UBTD1: variants seen among roughly 807,000 people sequenced by gnomAD.
UBTD1 encodes ubiquitin domain containing 1.
A neutral mutation model predicts 21.7 loss-of-function variants in UBTD1; 19 were observed. That is an observed-to-expected ratio of 0.87 (90% CI 0.61 to 1.28). The LOEUF (loss-of-function observed/expected upper bound fraction) is 1.28. Ranked by LOEUF, UBTD1 falls within the 50% of genes most tolerant of loss-of-function variation. The pLI, the probability that UBTD1 is intolerant of heterozygous loss-of-function variation, is 0.00. For synonymous variants in UBTD1, 116 were observed against 135.1 expected, an observed-to-expected ratio of 0.86 and a Z score of 0.98; for missense variants, 282 against 315.1, an observed-to-expected ratio of 0.89 and a Z score of 0.80.
intron 1 of UBTD1, among the ~76,000 whole-genome samples, chr10:97,566,614 G>A (rs914999973): frequency 2.0e-5 from 3 of 151,708 alleles, no homozygotes; most frequent in East Asian, 1.9e-4. Context: ...TAAGGCTACT[G>A]CAAGAATGAA....
At chr10:97,516,690 G>T (rs2040445937) in intron 1 of UBTD1, among the ~76,000 whole-genome samples, 2 of 152,070 alleles carry the variant, frequency 1.3e-5, no homozygotes, top group Admixed American at 6.6e-5. Context: ...CAGGAGAATG[G>T]CCTGAACCCG....
intron 1 of UBTD1, among the ~76,000 whole-genome samples, chr10:97,566,971 T>C (rs1234578474): frequency 2.6e-5 from 4 of 152,226 alleles, no homozygotes; most frequent in African/African-American, 9.6e-5. Flanking sequence ...AATTGTTTTC[T>C]TTGTCAGATG....
rs766096391 is a variant in UBTD1 at position 97,570,241 on chromosome 10, G to A, written c.402G>A (p.Glu134=). The part of the protein sequence containing the change: ...VNLLLEHTEE[E]SLEPPEPPPS... Reference sequence around the variant, plus strand: ...TGCTGCTGGAGCACACGGAGGAGGAGAGCCTGGAGCCCCCCGAGCCTCCAC... The same window carrying A: ...TGCTGCTGGAGCACACGGAGGAGGAAAGCCTGGAGCCCCCCGAGCCTCCAC... The change falls in exon 3 of 3, where the codon GAG becomes GAA. Residue 134 remains glutamate, a synonymous_variant. Transcript: ENST00000370664. The surrounding 1 kb of genome is among the most constrained non-coding windows in gnomAD (Gnocchi z 6.6). 1 of 1,613,238 alleles carries A rather than the reference G, an allele frequency of 6.2e-7. No individual in the cohort carries two copies. Among genetic ancestry groups the A allele is most frequent in the South Asian group, 1.1e-5 (1 of 91,086 alleles).
chr10:97,557,552 A>T lies in UBTD1; in HGVS notation c.71-10362A>T, dbSNP rs530603536. On this transcript the variant is annotated intron_variant, in intron 1 of 2. Coordinates refer to ENST00000370664, the MANE Select transcript of UBTD1 (RefSeq NM_024954.5). Reference sequence around the variant, plus strand: ...AATATGATTCTTGACAGATATACTTATTTTTTTTTACTGTGTAACTTTTTT... The same window carrying T: ...AATATGATTCTTGACAGATATACTTTTTTTTTTTTACTGTGTAACTTTTTT... Among the ~76,000 whole-genome samples, 38 of 151,206 alleles carry T rather than the reference A, an allele frequency of 2.5e-4. No homozygotes were observed. The East Asian group carries it at 7.4e-3, about 29-fold the overall frequency.
intron 1 of UBTD1, among the ~76,000 whole-genome samples, chr10:97,538,984 C>G (rs1317749849): frequency 2.0e-5 from 3 of 152,186 alleles, no homozygotes; most frequent in Non-Finnish European, 2.9e-5. Flanking sequence ...GGGAGAAGAC[C>G]TGCGCAGATC....
At chr10:97,559,876 A>G (rs753911306) in intron 1 of UBTD1, among the ~76,000 whole-genome samples, 14 of 152,302 alleles carry the variant, frequency 9.2e-5, no homozygotes, top group Non-Finnish European at 1.6e-4. Flanking sequence ...CTTTTAAAAC[A>G]TTAATTTTTT....
chr10:97,556,859 A>G (rs2040666592), intron 1 of UBTD1, among the ~76,000 whole-genome samples: 1 of 152,168 alleles, frequency 6.6e-6, no homozygotes, highest in East Asian at 1.9e-4. Context: ...AATTTACTGA[A>G]TGGATTTCTT....
chr10:97,543,073 T>A (rs1482100166), intron 1 of UBTD1, among the ~76,000 whole-genome samples: 1 of 152,216 alleles, frequency 6.6e-6, no homozygotes, highest in Non-Finnish European at 1.5e-5. Context: ...CTGGATTGCC[T>A]CTCAAGAGCC....
chr10:97,506,147 G>T (rs2040398843), intron 1 of UBTD1, among the ~76,000 whole-genome samples: 1 of 152,174 alleles, frequency 6.6e-6, no homozygotes, highest in African/African-American at 2.4e-5. Context: ...GTGGGGGAGG[G>T]ACCTAGTGGT....
chr10:97,545,909 A>G (rs181004424), intron 1 of UBTD1, among the ~76,000 whole-genome samples: 40 of 152,216 alleles, frequency 2.6e-4, no homozygotes, highest in Middle Eastern at 3.4e-3. Context: ...CTTAGCCCCA[A>G]AAGTAGCTGG....
At chr10:97,524,193 C>T (rs952197948) in intron 1 of UBTD1, among the ~76,000 whole-genome samples, 1 of 152,170 alleles carries the variant, frequency 6.6e-6, no homozygotes, top group African/African-American at 2.4e-5. Context: ...CTCCCAGGCT[C>T]AGGTGATCCT....
chr10:97,507,056 G>A (rs2040402337), intron 1 of UBTD1, among the ~76,000 whole-genome samples: 6 of 152,162 alleles, frequency 3.9e-5, no homozygotes, highest in Admixed American at 3.9e-4. Context: ...TGGAATTTCT[G>A]GATCAAAAGG....
intron 1 of UBTD1, among the ~76,000 whole-genome samples, chr10:97,530,380 G>A (rs893853327): frequency 2.0e-5 from 3 of 152,212 alleles, no homozygotes; most frequent in Non-Finnish European, 4.4e-5. Context: ...TGAGGCTGCA[G>A]TGAGTTACAG....
At chr10:97,507,412 G>A (rs981887803) in intron 1 of UBTD1, among the ~76,000 whole-genome samples, 20 of 151,778 alleles carry the variant, frequency 1.3e-4, no homozygotes, top group African/African-American at 4.8e-4. Context: ...CAAGGCAGGA[G>A]GATTGCTTGA....
chr10:97,513,560 A>G (rs6584131), intron 1 of UBTD1, among the ~76,000 whole-genome samples: 119,956 of 152,100 alleles, frequency 0.79, 48,443 homozygotes, highest in East Asian at 0.98. Flanking sequence ...AGGAAGTGGT[A>G]CAGGTTGGAG....
intron 1 of UBTD1, among the ~76,000 whole-genome samples, chr10:97,553,774 C>T (rs2040651525): frequency 6.6e-6 from 1 of 152,186 alleles, no homozygotes; most frequent in Admixed American, 6.5e-5. Context: ...CCTGCCCCCT[C>T]CCCCTCACCA....
Position 97,499,086 on chromosome 10 carries a change from G to C in UBTD1, c.-118G>C. Reference sequence around the variant, plus strand: ...CTGGGGCTGAGCGCGCCCCCGGGGGGAGATCGGGGAGCGCCCGATGCCGGG... The same window carrying C: ...CTGGGGCTGAGCGCGCCCCCGGGGGCAGATCGGGGAGCGCCCGATGCCGGG... On this transcript the variant is annotated 5_prime_UTR_variant, in exon 1 of 3. Coordinates refer to ENST00000370664, the MANE Select transcript of UBTD1 (RefSeq NM_024954.5). 2 of 1,171,234 alleles carry C rather than the reference G, an allele frequency of 1.7e-6. No individual in the cohort carries two copies. Among genetic ancestry groups the C allele is most frequent in the Non-Finnish European group, 2.3e-6 (2 of 856,318 alleles). The allele number at this position is 1,171,234 out of a possible 1,614,324, so 72.6% of individuals were successfully genotyped here.
intron 1 of UBTD1, among the ~76,000 whole-genome samples, chr10:97,542,032 G>A (rs192185024): frequency 1.6e-3 from 250 of 152,184 alleles, no homozygotes; most frequent in African/African-American, 5.4e-3. Flanking sequence ...CACCACGCCC[G>A]GCCTCCTCTC....
chr10:97,525,637 C>G (rs886247393), intron 1 of UBTD1, among the ~76,000 whole-genome samples: 5 of 152,146 alleles, frequency 3.3e-5, no homozygotes, highest in Non-Finnish European at 7.3e-5. Context: ...GCACCCATCT[C>G]CATATTAGAG....
Sources: gnomAD v4.1 joint callset for allele counts (sites outside exome capture counted in the v4.1 genomes callset) on GRCh38, gnomAD v4.1.1 for gene constraint, Gnocchi (gnomAD v3.1) non-coding constraint, MANE v1.5 for transcripts, NCBI Gene and HGNC (gene_info 2026-07-23, HGNC 2026-07-21) for gene names.